Variants in ALDH4A1 observed in about 807,000 individuals in gnomAD.
ALDH4A1 encodes the protein delta-1-pyrroline-5-carboxylate dehydrogenase, mitochondrial.
In ALDH4A1, 46 loss-of-function variants were observed where a neutral mutation model predicts 70.5. The ratio of observed to expected loss-of-function variants is 0.65; its 90% CI spans 0.51 to 0.83. ALDH4A1 has a LOEUF of 0.83. ALDH4A1 is among the 40% of genes least tolerant of loss of function. The pLI, the probability that ALDH4A1 is intolerant of heterozygous loss-of-function variation, is 0.00. For missense variants in ALDH4A1, 749 were observed against 766.5 expected, an observed-to-expected ratio of 0.98 and a Z score of 0.27; for synonymous variants, 323 against 324.3, an observed-to-expected ratio of 1.00 and a Z score of 0.04.
In ALDH4A1 at chr1:18,885,455, G is replaced by GCCCCCCCCCCCCCCCCCCT; in HGVS notation, c.453+17_453+18insAGGGGGGGGGGGGGGGGGG. On this transcript the variant is annotated intron_variant, in intron 5 of 14. Transcript: ENST00000375341. ...CACCCCACCCCGCCCCACCCACCCG[G>GCCCCCCCCCCCCCCCCCCT]GCCCACCAGCACCTCACCTGTCCCA... The GCCCCCCCCCCCCCCCCCCT allele has an allele frequency of 3.4e-6, 1 of 292,250 alleles. No homozygotes were observed. The highest frequency in any genetic ancestry group is 4.3e-5 in the South Asian group (1 of 23,248). The allele number at this position is 292,250 out of a possible 1,614,324, so 18.1% of individuals were successfully genotyped here.
chr1:18,899,202 GC>G (rs1329909022), intron 1 of ALDH4A1, among the ~76,000 whole-genome samples: 1 of 152,256 alleles, frequency 6.6e-6, no homozygotes, highest in Non-Finnish European at 1.5e-5. Context: ...GGAAATGCCA[GC>G]CCTCGACCCA....
Position 18,898,716 on chromosome 1 carries a change from C to A in ALDH4A1, c.62+3746G>T, listed in dbSNP as rs140943385. Reference sequence around the variant, plus strand: ...TAACCTGCCCGGGGCCACAGAGCTGCCAAGAGTTGGAGCCAGGATCCAAGC... The same window carrying A: ...TAACCTGCCCGGGGCCACAGAGCTGACAAGAGTTGGAGCCAGGATCCAAGC... On this transcript the variant is annotated intron_variant, in intron 1 of 14. Coordinates refer to ENST00000375341, the MANE Select transcript of ALDH4A1 (RefSeq NM_003748.4). This position sits in a 1 kb window ranked among gnomAD's most constrained non-coding sequence, Gnocchi z 4.3. 1.1e-3 allele frequency among the ~76,000 whole-genome samples: 171 copies of A among 152,280 alleles called. No individual in the cohort carries two copies. The highest frequency in any genetic ancestry group is 1.9e-3 in the Non-Finnish European group (127 of 68,012).
intron 9 of ALDH4A1, 74 bp from the exon 10 acceptor site, chr1:18,877,686 C>T (rs555976300): frequency 2.1e-5 from 32 of 1,533,256 alleles, no homozygotes; most frequent in Middle Eastern, 2.3e-4. Flanking sequence ...AAAACACCAC[C>T]TACGCCATCC....
intron 8 of ALDH4A1, among the ~76,000 whole-genome samples, chr1:18,879,677 G>A (rs1437813993): frequency 1.3e-5 from 2 of 152,196 alleles, no homozygotes; most frequent in East Asian, 1.9e-4. Context: ...GAAACAGGGA[G>A]AACAATCCTG....
rs1307722851 is a variant in ALDH4A1 at position 18,877,435 on chromosome 1, C to G, written c.1118G>C (p.Ser373Thr). The G allele has an allele frequency of 1.9e-6, 3 of 1,582,978 alleles. No homozygotes were observed. The highest frequency in any genetic ancestry group is 4.6e-5 in the East Asian group (2 of 43,500). Residue 373 changes from serine to threonine, a missense_variant, in exon 10 of 15, where the codon AGT becomes ACT. Coordinates refer to ENST00000375341, the MANE Select transcript of ALDH4A1 (RefSeq NM_003748.4). ...QIKGRLLEEH[S>T]RIKVGDPAED... ...ACTCACGTCGCCCACTTTGATCCGA[C>G]TGTGCTCCTCCAGCAGCCGCCCTTT...
chr1:18,886,397 C>T (rs1935201390), intron 4 of ALDH4A1, 67 bp downstream of exon 4: 2 of 1,543,764 alleles, frequency 1.3e-6, no homozygotes, highest in Non-Finnish European at 1.8e-6. Flanking sequence ...GCCATATCAG[C>T]AGCTGGCAGG....
At chr1:18,885,727 T>A in intron 4 of ALDH4A1, 99 bp from the exon 5 acceptor site, 1 of 1,527,394 alleles carries the variant, frequency 6.5e-7, no homozygotes, top group African/African-American at 1.4e-5. Context: ...CTCTCTTCCA[T>A]CCGGGGACAA....
chr1:18,874,636 AGCTCCAGCCTCAACACCCCT>A, intron 13 of ALDH4A1, 55 bp from the exon 14 acceptor site: 2 of 1,565,898 alleles, frequency 1.3e-6, no homozygotes, highest in Non-Finnish European at 1.8e-6. Flanking sequence ...CTCCAGCCCC[AGCTCCAGCCTCAACACCCCT>A]GCTCCAGCCC....
rs1439877446 is a variant in ALDH4A1, at chr1:18,880,772, A to G, written c.866+928T>C. 6.6e-6 allele frequency among the ~76,000 whole-genome samples: 1 copy of G among 152,188 alleles called. No homozygotes were observed. The highest frequency in any genetic ancestry group is 2.4e-5 in the African/African-American group (1 of 41,448). ...TTATCTATGAAATTGTCCCAATTAT[A>G]CAAAGTTGGGCCATCACTGTTAGGA... is the stretch of plus-strand genomic sequence containing the variant. On this transcript the variant is annotated intron_variant, in intron 8 of 14. Transcript: ENST00000375341. This position sits in a 1 kb window ranked among gnomAD's most constrained non-coding sequence, Gnocchi z 5.1.
chr1:18,897,024 C>T (rs767779346), intron 1 of ALDH4A1: 1 of 529,482 alleles, frequency 1.9e-6, no homozygotes, highest in South Asian at 1.4e-5. Context: ...GAGACAGGAT[C>T]ATCTCACTGA....
At chr1:18,889,505 C>A in intron 2 of ALDH4A1, 51 bp from the exon 3 acceptor site, 2 of 1,476,246 alleles carry the variant, frequency 1.4e-6, no homozygotes, top group South Asian at 1.2e-5. Flanking sequence ...TCGCTTCCTC[C>A]CATCTAAAAC....
intron 1 of ALDH4A1, chr1:18,896,999 A>T (rs1935639810): frequency 1.6e-5 from 8 of 493,570 alleles, no homozygotes; most frequent in Middle Eastern, 3.3e-4. Context: ...CCACATGCCA[A>T]GCATTAACCT....
intron 1 of ALDH4A1, among the ~76,000 whole-genome samples, chr1:18,892,173 A>C (rs1376951394): frequency 2.0e-5 from 3 of 152,260 alleles, no homozygotes; most frequent in South Asian, 2.1e-4. Flanking sequence ...GTCGGGGGCC[A>C]GAAGGAGTCT....
At chr1:18,897,737 A>T (rs531444647) in intron 1 of ALDH4A1, among the ~76,000 whole-genome samples, 28 of 152,320 alleles carry the variant, frequency 1.8e-4, no homozygotes, top group Non-Finnish European at 3.4e-4. Context: ...GTATGGCTGA[A>T]GCACCTGGAA....
intron 11 of ALDH4A1, among the ~76,000 whole-genome samples, chr1:18,876,898 C>T (rs1446454962): frequency 6.6e-6 from 1 of 152,158 alleles, no homozygotes; most frequent in Non-Finnish European, 1.5e-5. Context: ...TATGGAAAGA[C>T]CTACATGTGG....
At position 18,875,374 on chromosome 1, in the gene ALDH4A1, C is replaced by G. The variant is rs942053576; in HGVS notation, c.1460+8G>C. ...GCACAGCACCAGGGCTGCGGCCTGG[C>G]CACTCACTTATCCTGGGAGAACACT... On this transcript the variant is annotated splice_region_variant and intron_variant, in intron 13 of 14. Transcript: ENST00000375341. 8.1e-6 allele frequency: 13 copies of G among 1,613,978 alleles called. No individual in the cohort carries two copies. The highest frequency in any genetic ancestry group is 1.3e-5 in the African/African-American group (1 of 74,934).
At chr1:18,874,816 T>C (rs1934602316) in intron 13 of ALDH4A1, among the ~76,000 whole-genome samples, 1 of 152,208 alleles carries the variant, frequency 6.6e-6, no homozygotes, top group Non-Finnish European at 1.5e-5. Context: ...ACAGGGCTAC[T>C]GCGAAGTTGA....
chr1:18,891,529 G>C (rs1357739951), intron 1 of ALDH4A1, among the ~76,000 whole-genome samples: 1 of 152,114 alleles, frequency 6.6e-6, no homozygotes, highest in African/African-American at 2.4e-5. Context: ...GAACCACAGG[G>C]CATCTCAGTA....
Position 18,890,055 on chromosome 1 carries a change from A to G in ALDH4A1, c.113T>C (p.Leu38Ser). Residue 38 changes from leucine to serine, a missense_variant, in exon 2 of 15, where the codon TTA becomes TCA. Physicochemically the swap from Leu to Ser is moderately radical, Grantham distance 145. Coordinates refer to ENST00000375341, the MANE Select transcript of ALDH4A1 (RefSeq NM_003748.4). ...SSLKVANEPV[L>S]AFTQGSPERD... ...CTCAGGGCTGCCCTGCGTGAAGGCT[A>G]AGACGGGCTCGTTGGCCACCTTCAG... The G allele has an allele frequency of 6.2e-7, 1 of 1,613,150 alleles. No individual in the cohort carries two copies. Among genetic ancestry groups the G allele is most frequent in the South Asian group, 1.1e-5 (1 of 90,840 alleles).
Sources: gnomAD v4.1 joint callset for allele counts (sites outside exome capture counted in the v4.1 genomes callset) on GRCh38, gnomAD v4.1.1 for gene constraint, Gnocchi (gnomAD v3.1) non-coding constraint, MANE v1.5 for transcripts, NCBI Gene and HGNC (gene_info 2026-07-23, HGNC 2026-07-21) for gene names.